TMEM37: variants seen among roughly 807,000 people sequenced by gnomAD.
TMEM37 encodes the protein transmembrane protein 37, also known as voltage-dependent calcium channel gamma-like subunit.
A neutral mutation model predicts 11.0 loss-of-function variants in TMEM37; 12 were observed. The observed-to-expected ratio is 1.09, with a 90% CI of 0.70 to 1.76. The LOEUF (loss-of-function observed/expected upper bound fraction) is 1.76, where lower values mean the gene tolerates loss of function less well. Ranked by LOEUF, TMEM37 falls within the 40% of genes most tolerant of loss-of-function variation. TMEM37 has a pLI of 0.00. For synonymous variants in TMEM37, 127 were observed against 110.5 expected (o/e 1.15, Z -0.94); for missense variants, 203 against 251.2 (o/e 0.81, Z 1.30).
At chr2:119,432,039 G>C in intron 1 of TMEM37, 115 bp downstream of exon 1, 1 of 724,416 alleles carries the variant, frequency 1.4e-6, no homozygotes, top group Non-Finnish European at 1.9e-6. Context: ...CGGGCTGGGG[G>C]TGCGAGCGCC....
At chr2:119,430,185 G>C (rs79692585), upstream of TMEM37, 1,620 of 642,262 alleles carry the variant, frequency 2.5e-3, 24 homozygotes, top group African/African-American at 0.026. Context: ...GAAGGCCCCA[G>C]AGCAGAGAGG....
In TMEM37 at chr2:119,437,780, T is replaced by G. The variant is rs537639266; in HGVS notation, c.*340T>G. 6.4e-6 allele frequency: 2 copies of G among 310,616 alleles called. No homozygotes were observed. The highest frequency in any genetic ancestry group is 2.2e-5 in the African/African-American group (1 of 46,012). The allele number at this position is 310,616 out of a possible 1,614,324, so 19.2% of individuals were successfully genotyped here. ...CAGTTGGAAGCACAGGGGTAACTGG[T>G]ACCTGAGCTAGCTGCACAGCCAAGG... On this transcript the variant is annotated 3_prime_UTR_variant, in exon 2 of 2. Coordinates refer to ENST00000306406, the MANE Select transcript of TMEM37 (RefSeq NM_183240.3).
rs1573767476 is a variant in TMEM37, at chr2:119,437,044, G to T, written c.177G>T (p.Gly59=). The change falls in exon 2 of 2, where the codon GGG becomes GGT. Residue 59 remains glycine (G), a synonymous_variant. Coordinates refer to ENST00000306406, the MANE Select transcript of TMEM37 (RefSeq NM_183240.3). ...HWLLAEDRLF[G]LWHFCTTTNQ... ...TCCTGGCTGAGGACCGCCTCTTCGG[G>T]CTCTGGCACTTCTGCACCACCACCA... The T allele has an allele frequency of 1.9e-6, 3 of 1,608,506 alleles. No individual in the cohort carries two copies. Among genetic ancestry groups the T allele is most frequent in the Non-Finnish European group, 2.5e-6 (3 of 1,178,874 alleles).
chr2:119,433,247 C>T (rs1356855332), intron 1 of TMEM37, among the ~76,000 whole-genome samples: 2 of 152,190 alleles, frequency 1.3e-5, no homozygotes, highest in Non-Finnish European at 2.9e-5. Flanking sequence ...GTGCTCCGGC[C>T]GCTTCGGGAT....
At chr2:119,432,763 G>A (rs371993277) in intron 1 of TMEM37, among the ~76,000 whole-genome samples, 32 of 152,180 alleles carry the variant, frequency 2.1e-4, no homozygotes, top group African/African-American at 7.7e-4. Flanking sequence ...AGTAGACACC[G>A]TTCTGCCCAT....
At chr2:119,433,595 CAGT>C (rs1682444766) in intron 1 of TMEM37, among the ~76,000 whole-genome samples, 1 of 152,152 alleles carries the variant, frequency 6.6e-6, no homozygotes, top group Non-Finnish European at 1.5e-5. Flanking sequence ...ACATTGGACT[CAGT>C]AGCCCAGTAG....
Position 119,436,797 on chromosome 2 carries a change from C to T in TMEM37, c.22-92C>T, listed in dbSNP as rs1367213943. On this transcript the variant is annotated intron_variant, in intron 1 of 1. Transcript: ENST00000306406. ...AAGCAGAGAATAAGACAGTGCGGAGCAGGATGGAGGGCTCAGGGGTCTTCC... is the reference window on the plus strand; with the variant it reads ...AAGCAGAGAATAAGACAGTGCGGAGTAGGATGGAGGGCTCAGGGGTCTTCC... The T allele has an allele frequency of 2.9e-6, 3 of 1,017,320 alleles. No individual in the cohort carries two copies. The Admixed American group carries it at 6.5e-5, about 22-fold the overall frequency. The allele number at this position is 1,017,320 out of a possible 1,614,324, so 63.0% of individuals were successfully genotyped here.
At chr2:119,430,223 G>A, upstream of TMEM37, 1 of 648,694 alleles carries the variant, frequency 1.5e-6, no homozygotes, top group South Asian at 1.7e-5. Flanking sequence ...CTGGGCAGCT[G>A]CCCTTTGCCT....
intron 1 of TMEM37, among the ~76,000 whole-genome samples, chr2:119,434,728 C>T (rs542665695): frequency 6.6e-6 from 1 of 152,278 alleles, no homozygotes; most frequent in Non-Finnish European, 1.5e-5. Context: ...CTGGCATGGC[C>T]CTTGAGGCAT....
At chr2:119,430,997 G>A (rs1001702811), upstream of TMEM37, among the ~76,000 whole-genome samples, 1 of 152,148 alleles carries the variant, frequency 6.6e-6, no homozygotes, top group African/African-American at 2.4e-5. Context: ...AAATTAGCAG[G>A]GCTTGATGGG....
rs148745300 is a variant in TMEM37, at chr2:119,432,876, A to G, written c.21+952A>G. On this transcript the variant is annotated intron_variant, in intron 1 of 1. Coordinates refer to ENST00000306406, the MANE Select transcript of TMEM37 (RefSeq NM_183240.3). ...CCAGGGCTTTCTGGCTCCAAATCCC[A>G]CTGGCTCCTCCTGCCTTTACCTAAC... is the stretch of plus-strand genomic sequence containing the variant. Among the ~76,000 whole-genome samples, 282 of 152,280 alleles carry G rather than the reference A, an allele frequency of 1.9e-3. 1 individual carries two copies. The highest frequency in any genetic ancestry group is 6.6e-3 in the African/African-American group (275 of 41,550).
At chr2:119,432,277 T>G (rs1682417394) in intron 1 of TMEM37, 3 of 237,022 alleles carry the variant, frequency 1.3e-5, no homozygotes, top group Non-Finnish European at 2.4e-5. Flanking sequence ...GGTCCCCCTT[T>G]GTGAGAAATG....
upstream of TMEM37, chr2:119,429,984 G>A (rs1020006995): frequency 6.4e-7 from 1 of 1,550,458 alleles, no homozygotes; most frequent in Non-Finnish European, 8.7e-7. Context: ...TCTTGGCCAG[G>A]TGAGATGCTA....
intron 1 of TMEM37, chr2:119,432,193 C>T: frequency 2.8e-6 from 1 of 362,916 alleles, no homozygotes; most frequent in Non-Finnish European, 4.9e-6. Context: ...GCACCCGAGG[C>T]TCCCAAACTT....
At chr2:119,432,218 T>C (rs1682415625) in intron 1 of TMEM37, 1 of 337,484 alleles carries the variant, frequency 3.0e-6, no homozygotes, top group Non-Finnish European at 5.3e-6. Context: ...TGGAAAGATT[T>C]TTCTTCTCTT....
upstream of TMEM37, chr2:119,431,847 C>A (rs1682401601): frequency 3.3e-6 from 4 of 1,229,420 alleles, no homozygotes; most frequent in Non-Finnish European, 4.1e-6. Context: ...CTGGCGCCGG[C>A]GGCCACAGCG....
At position 119,437,816 on chromosome 2, in the gene TMEM37, C is replaced by T; in HGVS notation, c.*376C>T. ...GCTGCACAGCCAAGGATAGTTCATG[C>T]CTGTTTCATTGACACGTGCTGGGAT... On this transcript the variant is annotated 3_prime_UTR_variant, in exon 2 of 2. Coordinates refer to ENST00000306406, the MANE Select transcript of TMEM37 (RefSeq NM_183240.3). The T allele has an allele frequency of 4.4e-6, 1 of 225,536 alleles. No individual in the cohort carries two copies. Among genetic ancestry groups the T allele is most frequent in the East Asian group, 1.2e-4 (1 of 8,548 alleles). The allele number at this position is 225,536 out of a possible 1,614,324, so 14.0% of individuals were successfully genotyped here.
intron 1 of TMEM37, among the ~76,000 whole-genome samples, chr2:119,436,251 G>A (rs1410363570): frequency 6.6e-6 from 1 of 152,156 alleles, no homozygotes; most frequent in African/African-American, 2.4e-5. Flanking sequence ...GCAGACAATG[G>A]GGTTGGCAAG....
In TMEM37 at chr2:119,437,795, C is replaced by A. The variant is rs1046237243; in HGVS notation, c.*355C>A. On this transcript the variant is annotated 3_prime_UTR_variant, in exon 2 of 2. Transcript: ENST00000306406. ...GGGTAACTGGTACCTGAGCTAGCTG[C>A]ACAGCCAAGGATAGTTCATGCCTGT... The A allele has an allele frequency of 3.4e-5, 10 of 296,754 alleles. No homozygotes were observed. Among genetic ancestry groups the A allele is most frequent in the African/African-American group, 2.2e-4 (10 of 45,512 alleles). The allele number at this position is 296,754 out of a possible 1,614,324, so 18.4% of individuals were successfully genotyped here.
Sources: allele counts gnomAD v4.1 joint callset (sites outside exome capture counted in the v4.1 genomes callset), GRCh38; gene constraint gnomAD v4.1.1; transcripts MANE v1.5; gene names NCBI Gene and HGNC (gene_info 2026-07-23, HGNC 2026-07-21).